HLCS: variants seen among roughly 807,000 people sequenced by gnomAD.
HLCS encodes holocarboxylase synthetase.
HLCS carries 53 observed loss-of-function variants against 75.0 expected under a neutral mutation model. The ratio of observed to expected loss-of-function variants is 0.71; its 90% confidence interval spans 0.57 to 0.89. HLCS has a LOEUF of 0.89. Ranked by LOEUF, HLCS falls within the 40% of genes least tolerant of loss-of-function variation. HLCS has a pLI of 0.00. For missense variants in HLCS, 966 were observed against 1,074.0 expected (o/e 0.90, Z 1.41); for synonymous variants, 431 against 428.6 (o/e 1.01, Z -0.07).
intron 6 of HLCS, among the ~76,000 whole-genome samples, chr21:36,822,081 A>G (rs1400385507): frequency 6.6e-6 from 1 of 152,164 alleles, no homozygotes; most frequent in African/African-American, 2.4e-5. Flanking sequence ...AAAGTAAGTT[A>G]AATTATTGCT....
intron 6 of HLCS, among the ~76,000 whole-genome samples, chr21:36,872,085 T>C (rs933621271): frequency 8.5e-5 from 13 of 152,198 alleles, no homozygotes; most frequent in African/African-American, 3.1e-4. Flanking sequence ...TAATTCATCT[T>C]CTTGCTTTAT....
intron 2 of HLCS, among the ~76,000 whole-genome samples, chr21:36,955,410 T>C (rs936693631): frequency 6.6e-6 from 1 of 152,084 alleles, no homozygotes; most frequent in Non-Finnish European, 1.5e-5. Flanking sequence ...CTAGGAAACA[T>C]AGCAATTTGT....
At chr21:36,768,437 C>T (rs374223956) in intron 6 of HLCS, among the ~76,000 whole-genome samples, 2 of 152,160 alleles carry the variant, frequency 1.3e-5, no homozygotes, top group African/African-American at 2.4e-5. Flanking sequence ...GGCTGGAACT[C>T]GGTAAGAGAA....
chr21:36,855,684 C>T (rs1313427881), intron 6 of HLCS, among the ~76,000 whole-genome samples: 1 of 152,012 alleles, frequency 6.6e-6, no homozygotes, highest in Admixed American at 6.6e-5. Flanking sequence ...TCAGGCGATA[C>T]TCCCATCTCA....
At chr21:36,843,554 T>A (rs1345191497) in intron 6 of HLCS, among the ~76,000 whole-genome samples, 1 of 151,804 alleles carries the variant, frequency 6.6e-6, no homozygotes, top group African/African-American at 2.4e-5. Context: ...AAAATTTAAA[T>A]GAACACTAGT....
At chr21:36,903,879 T>C (rs1042019303) in intron 5 of HLCS, among the ~76,000 whole-genome samples, 1 of 152,054 alleles carries the variant, frequency 6.6e-6, no homozygotes, top group Non-Finnish European at 1.5e-5. Flanking sequence ...TGGGAAGAAA[T>C]TGAGATTGAA....
intron 6 of HLCS, among the ~76,000 whole-genome samples, chr21:36,779,474 T>C (rs2060463515): frequency 6.6e-6 from 1 of 152,182 alleles, no homozygotes; most frequent in South Asian, 2.1e-4. Flanking sequence ...CCCCTCCTTT[T>C]CTATATTCAT....
chr21:36,973,902 A>C (rs1203911546), intron 1 of HLCS: 1 of 152,510 alleles, frequency 6.6e-6, no homozygotes, highest in Non-Finnish European at 1.5e-5. Context: ...GAGGCAGGAG[A>C]ATCGCTTGAA....
At chr21:36,848,748 G>C (rs2062884172) in intron 6 of HLCS, among the ~76,000 whole-genome samples, 1 of 152,102 alleles carries the variant, frequency 6.6e-6, no homozygotes, top group South Asian at 2.1e-4. Flanking sequence ...AGCTTAGAAA[G>C]GCCTTTCCTA....
intron 6 of HLCS, among the ~76,000 whole-genome samples, chr21:36,889,405 G>A (rs1021412505): frequency 6.6e-6 from 1 of 152,160 alleles, no homozygotes; most frequent in African/African-American, 2.4e-5. Flanking sequence ...AGACGCTATT[G>A]GCCAAATAAA....
intron 6 of HLCS, among the ~76,000 whole-genome samples, chr21:36,790,906 T>C (rs1262231247): frequency 3.3e-5 from 5 of 152,192 alleles, no homozygotes; most frequent in Non-Finnish European, 7.4e-5. Flanking sequence ...AGCCATTCCG[T>C]CCACCATTTT....
At chr21:36,778,257 C>T (rs747601527) in intron 6 of HLCS, among the ~76,000 whole-genome samples, 6 of 152,156 alleles carry the variant, frequency 3.9e-5, no homozygotes, top group Non-Finnish European at 8.8e-5. Flanking sequence ...GCGTGAGCCA[C>T]TGTGCCTGGC....
chr21:36,809,622 A>AT (rs1447005213), intron 6 of HLCS, among the ~76,000 whole-genome samples: 1 of 151,872 alleles, frequency 6.6e-6, no homozygotes, highest in Non-Finnish European at 1.5e-5. Flanking sequence ...TGAGATAACT[A>AT]TTTTCAGTTC....
chr21:36,758,067 A>G (rs991757405), intron 9 of HLCS, among the ~76,000 whole-genome samples: 1 of 152,172 alleles, frequency 6.6e-6, no homozygotes, highest in Non-Finnish European at 1.5e-5. Context: ...GGTTCTCACC[A>G]TAGGAAAATG....
At chr21:36,977,927 G>A (rs891984432) in intron 1 of HLCS, among the ~76,000 whole-genome samples, 5 of 152,194 alleles carry the variant, frequency 3.3e-5, no homozygotes, top group African/African-American at 7.2e-5. Context: ...AGGGCAACGC[G>A]CTTTCACTTC....
chr21:36,852,823 G>A (rs1000417022), intron 6 of HLCS, among the ~76,000 whole-genome samples: 3 of 152,188 alleles, frequency 2.0e-5, no homozygotes, highest in African/African-American at 4.8e-5. Context: ...ACAGGACCCC[G>A]CTGAGGACAT....
At chr21:36,781,939 C>A (rs758529693) in intron 6 of HLCS, among the ~76,000 whole-genome samples, 25 of 151,998 alleles carry the variant, frequency 1.6e-4, no homozygotes, top group Non-Finnish European at 2.9e-4. Context: ...TGGAAATAAT[C>A]ATACATTTTT....
chr21:36,888,440 A>T (rs1397524939), intron 6 of HLCS, among the ~76,000 whole-genome samples: 1 of 30,530 alleles, frequency 3.3e-5, no homozygotes, highest in African/African-American at 1.1e-4. Flanking sequence ...TTTAAAAAAA[A>T]AAAAAATATA....
chr21:36,833,553 C>A (rs947514254), intron 6 of HLCS, among the ~76,000 whole-genome samples: 6 of 149,286 alleles, frequency 4.0e-5, no homozygotes, highest in Admixed American at 2.0e-4. Context: ...CCACTGCACT[C>A]CAGCCTGAGG....
Sources: gnomAD v4.1 joint callset for allele counts (sites outside exome capture counted in the v4.1 genomes callset) on GRCh38, gnomAD v4.1.1 for gene constraint, MANE v1.5 for transcripts, NCBI Gene and HGNC (gene_info 2026-07-23, HGNC 2026-07-21) for gene names.